CTNNA3: variants seen among roughly 807,000 people sequenced by gnomAD.
CTNNA3 encodes catenin alpha 3, also known as catenin alpha-3.
In CTNNA3, 76 loss-of-function variants were observed where a neutral mutation model predicts 95.7. That is an observed-to-expected ratio of 0.79 (90% CI 0.66 to 0.96). CTNNA3 has a LOEUF of 0.96. Ranked by LOEUF, CTNNA3 falls within the 40% of genes least tolerant of loss-of-function variation. The pLI, the probability that CTNNA3 is intolerant of heterozygous loss-of-function variation, is 0.00. For missense variants in CTNNA3, 1,191 were observed against 1,089.8 expected (o/e 1.09, Z -1.31); for synonymous variants, 431 against 374.4 (o/e 1.15, Z -1.74).
chr10:66,459,483 C>T (rs954235624), intron 11 of CTNNA3, among the ~76,000 whole-genome samples: 7 of 152,142 alleles, frequency 4.6e-5, no homozygotes, highest in Non-Finnish European at 7.4e-5. Context: ...ATTTTTCATT[C>T]CCACTGGCAA....
At chr10:66,140,035 C>T (rs78592809) in intron 13 of CTNNA3, among the ~76,000 whole-genome samples, 2,765 of 152,238 alleles carry the variant, frequency 0.018, 82 homozygotes, top group African/African-American at 0.063. Context: ...TGGCATGTTG[C>T]ATAGCAATCA....
At chr10:66,952,521 T>G (rs909612266) in intron 7 of CTNNA3, among the ~76,000 whole-genome samples, 15 of 151,946 alleles carry the variant, frequency 9.9e-5, no homozygotes, top group African/African-American at 3.4e-4. Flanking sequence ...AATGGAAAAA[T>G]TAATTGTGTG....
intron 7 of CTNNA3, among the ~76,000 whole-genome samples, chr10:67,113,658 T>C (rs1384841355): frequency 1.3e-5 from 2 of 152,094 alleles, no homozygotes; most frequent in Non-Finnish European, 2.9e-5. Context: ...GGTATGATAA[T>C]AGCTTACTAG....
chr10:66,578,444 G>T (rs1843074212), intron 10 of CTNNA3, among the ~76,000 whole-genome samples: 1 of 151,962 alleles, frequency 6.6e-6, no homozygotes, highest in Non-Finnish European at 1.5e-5. Context: ...TATGATGTTG[G>T]CTATGGGTTT....
At chr10:66,547,918 T>TC (rs1842089016) in intron 10 of CTNNA3, among the ~76,000 whole-genome samples, 1 of 128,542 alleles carries the variant, frequency 7.8e-6, no homozygotes, top group Admixed American at 7.3e-5. Context: ...TAGTATCTGA[T>TC]TTTTTTTTTT....
At chr10:66,230,538 G>C (rs1372534679) in intron 13 of CTNNA3, among the ~76,000 whole-genome samples, 1 of 152,098 alleles carries the variant, frequency 6.6e-6, no homozygotes, top group South Asian at 2.1e-4. Context: ...AGCTTTACTG[G>C]GGACAGGGAT....
chr10:66,628,772 G>T (rs1353563448), intron 9 of CTNNA3, among the ~76,000 whole-genome samples: 1 of 152,088 alleles, frequency 6.6e-6, no homozygotes, highest in Non-Finnish European at 1.5e-5. Flanking sequence ...AACACTAGAA[G>T]TTCTTCAGGT....
In CTNNA3 at chr10:65,965,536, C is replaced by T. The variant is rs568332061; in HGVS notation, c.2400+1076G>A. On this transcript the variant is annotated intron_variant, in intron 17 of 17. Coordinates refer to ENST00000433211, the MANE Select transcript of CTNNA3 (RefSeq NM_013266.4). ...TCTTGTGCCTCAGACTACTGAGTAG[C>T]TGAGATTACAGGCATGCGCCACCAC... is the stretch of plus-strand genomic sequence containing the variant. 1.4e-4 allele frequency among the ~76,000 whole-genome samples: 21 copies of T among 151,062 alleles called. No homozygotes were observed. In the South Asian group the frequency reaches 4.2e-3, roughly 30 times the overall value.
intron 12 of CTNNA3, among the ~76,000 whole-genome samples, chr10:66,285,924 A>T (rs950768113): frequency 4.0e-5 from 6 of 151,866 alleles, no homozygotes; most frequent in Non-Finnish European, 7.4e-5. Flanking sequence ...ATTTTTTTCT[A>T]TGTAAGTTGT....
chr10:66,135,421 A>T (rs2083297831), intron 13 of CTNNA3, among the ~76,000 whole-genome samples: 1 of 152,236 alleles, frequency 6.6e-6, no homozygotes, highest in Admixed American at 6.5e-5. Flanking sequence ...AGCTAAAAAA[A>T]TTAATGATTT....
At chr10:66,186,675 C>G (rs552751043) in intron 13 of CTNNA3, among the ~76,000 whole-genome samples, 1 of 152,050 alleles carries the variant, frequency 6.6e-6, no homozygotes, top group Non-Finnish European at 1.5e-5. Flanking sequence ...TTTATCCAGT[C>G]AAGAAAAGGC....
chr10:67,438,338 C>T (rs1223151557), intron 5 of CTNNA3, among the ~76,000 whole-genome samples: 1 of 152,112 alleles, frequency 6.6e-6, no homozygotes, highest in East Asian at 1.9e-4. Flanking sequence ...TCTCTCAGGA[C>T]AGTATCTGAC....
intron 7 of CTNNA3, among the ~76,000 whole-genome samples, chr10:67,075,131 T>C (rs934770176): frequency 2.6e-5 from 4 of 151,840 alleles, no homozygotes; most frequent in African/African-American, 9.7e-5. Context: ...AGAAGAGGGA[T>C]ACAAATTTGG....
At chr10:67,144,361 T>C (rs1417039445) in intron 7 of CTNNA3, among the ~76,000 whole-genome samples, 1 of 152,226 alleles carries the variant, frequency 6.6e-6, no homozygotes, top group African/African-American at 2.4e-5. Context: ...CATTAGCATC[T>C]AACAAAAGAG....
chr10:67,596,932 T>G (rs1055079193), intron 3 of CTNNA3, among the ~76,000 whole-genome samples: 21 of 152,244 alleles, frequency 1.4e-4, no homozygotes. Flanking sequence ...CTTTACATAA[T>G]CCCATATTTC....
intron 7 of CTNNA3, among the ~76,000 whole-genome samples, chr10:67,100,362 A>C (rs1051112043): frequency 6.6e-6 from 1 of 151,670 alleles, no homozygotes; most frequent in Non-Finnish European, 1.5e-5. Context: ...CTTTAGCAAG[A>C]AAAAAAATGC....
intron 5 of CTNNA3, among the ~76,000 whole-genome samples, chr10:67,293,589 C>T (rs994726227): frequency 2.0e-5 from 3 of 152,018 alleles, no homozygotes; most frequent in Admixed American, 1.3e-4. Context: ...CATATGTATA[C>T]ATGTGCCATG....
intron 15 of CTNNA3, among the ~76,000 whole-genome samples, chr10:66,067,946 T>G (rs1348428366): frequency 6.6e-6 from 1 of 152,092 alleles, no homozygotes; most frequent in African/African-American, 2.4e-5. Flanking sequence ...TCACTTTATA[T>G]TATTTCCTTT....
At chr10:67,753,010 C>A (rs892889301) in intron 1 of CTNNA3, among the ~76,000 whole-genome samples, 5 of 152,048 alleles carry the variant, frequency 3.3e-5, no homozygotes, top group African/African-American at 1.2e-4. Context: ...CCCCATATAG[C>A]CAAGACAATC....
Sources: allele counts gnomAD v4.1 joint callset (sites outside exome capture counted in the v4.1 genomes callset), GRCh38; gene constraint gnomAD v4.1.1; transcripts MANE v1.5; gene names NCBI Gene and HGNC (gene_info 2026-07-23, HGNC 2026-07-21).